The following SUN3 variants were observed in gnomAD, a reference collection of about 807,000 sequenced individuals.
SUN3 encodes SUN domain-containing protein 3.
In SUN3, 36 loss-of-function variants were observed where a neutral mutation model predicts 48.2. That is an observed-to-expected ratio of 0.75 (90% CI 0.57 to 0.99). The LOEUF is 0.99. Ranked by LOEUF, SUN3 falls within the 50% of genes least tolerant of loss-of-function variation. The pLI is 0.00. For synonymous variants in SUN3, 148 were observed against 147.9 expected, an observed-to-expected ratio of 1.00 and a Z score of 0.00; for missense variants, 419 against 433.1, an observed-to-expected ratio of 0.97 and a Z score of 0.29.
At chr7:48,029,132 G>A (rs978795957), upstream of SUN3, 3 of 744,194 alleles carry the variant, frequency 4.0e-6, no homozygotes, top group African/African-American at 5.4e-5. Context: ...ATCATCCTCC[G>A]TGACACCTCA....
At chr7:48,031,113 AAAAAT>A, upstream of SUN3, among the ~76,000 whole-genome samples, 1 of 152,366 alleles carries the variant, frequency 6.6e-6, no homozygotes, top group Non-Finnish European at 1.5e-5. Flanking sequence ...AAGCACATGC[AAAAAT>A]AAATAAGTGG....
chr7:48,025,789 A>G, intron 2 of SUN3, 88 bp downstream of exon 2: 1 of 859,960 alleles, frequency 1.2e-6, no homozygotes, highest in South Asian at 1.8e-5. Flanking sequence ...ATTTATTTAC[A>G]AATATGAGTC....
Position 47,988,825 on chromosome 7 carries a change from TTATA to T in SUN3, c.913_916del (p.Tyr305ThrfsTer23). ...TGTTTGAACGGTGGTTCCTGTTTTG[TTATA>T]TATAAACTGACCTAGGAAAATTTCT... On this transcript the variant is annotated frameshift_variant, in exon 9 of 10. Transcript: ENST00000297325. LOFTEE classifies it high-confidence loss of function. 1 of 1,607,118 alleles carries T rather than the reference TTATA, an allele frequency of 6.2e-7. No homozygotes were observed. The highest frequency in any genetic ancestry group is 8.5e-7 in the Non-Finnish European group (1 of 1,176,182).
At chr7:48,013,872 T>A (rs1354565969) in intron 3 of SUN3, among the ~76,000 whole-genome samples, 2 of 152,356 alleles carry the variant, frequency 1.3e-5, no homozygotes, top group Admixed American at 1.3e-4. Context: ...CTCTTGTCTG[T>A]GTGAAAACCA....
chr7:48,001,531 G>GTTTTTT (rs1166666161), intron 6 of SUN3, among the ~76,000 whole-genome samples: 1 of 110,492 alleles, frequency 9.1e-6, no homozygotes, highest in Admixed American at 9.8e-5. Context: ...TGTTTTTTTT[G>GTTTTTT]TTTTTTTTTT....
intron 2 of SUN3, 72 bp downstream of exon 2, chr7:48,025,805 G>A (rs1236951994): frequency 1.8e-5 from 19 of 1,045,840 alleles, no homozygotes; most frequent in African/African-American, 6.3e-5. Flanking sequence ...GAGTCATTCC[G>A]TTGAGATCTC....
chr7:48,000,721 T>A (rs1272232951), intron 6 of SUN3, among the ~76,000 whole-genome samples: 1 of 134,314 alleles, frequency 7.4e-6, no homozygotes, highest in Non-Finnish European at 1.6e-5. Context: ...GTAAGAAATC[T>A]GTAATAATGT....
upstream of SUN3, chr7:48,029,143 T>C (rs573036234): frequency 1.8e-3 from 1,217 of 664,974 alleles, 16 homozygotes; most frequent in Middle Eastern, 7.0e-3. Flanking sequence ...TGACACCTCA[T>C]AATGCAGATG....
In SUN3 at chr7:48,028,822, C is replaced by A. The variant is rs758044845; in HGVS notation, c.117G>T (p.Ala39=). The A allele has an allele frequency of 6.2e-7, 1 of 1,613,568 alleles. No individual in the cohort carries two copies. The highest frequency in any genetic ancestry group is 8.5e-7 in the Non-Finnish European group (1 of 1,179,730). ...GTTCTGCCATGTTTACCTACCCATT[C>A]GCATCAGGATTTTCGTCCTCTGATA... ...ALLSEDENPD[A]NGVTRSWKII... is the part of the protein sequence containing the mutation. Residue 39 remains alanine (A), a synonymous_variant, in exon 1 of 10, where the codon GCG becomes GCT. Transcript: ENST00000297325.
chr7:48,017,551 A>T (rs1583775223), intron 2 of SUN3, among the ~76,000 whole-genome samples, 186 bp from the exon 3 acceptor site: 2 of 152,358 alleles, frequency 1.3e-5, no homozygotes, highest in African/African-American at 4.8e-5. Context: ...CATGTAAACA[A>T]TATAGCTAGT....
chr7:48,000,078 T>TC (rs1789318620), intron 6 of SUN3: 1 of 152,236 alleles, frequency 6.6e-6, no homozygotes, highest in Non-Finnish European at 1.5e-5. Context: ...ATACATTTTT[T>TC]CCTTTCAACA....
intron 5 of SUN3, 32 bp downstream of exon 5, chr7:48,007,133 C>CCCCCCTAG: frequency 6.3e-7 from 1 of 1,586,004 alleles, no homozygotes. Flanking sequence ...CACCACCCCA[C>CCCCCCTAG]CCTGCCCAAC....
At chr7:48,035,586 C>A in the SUN3 span, 2 of 695,800 alleles carry the variant, frequency 2.9e-6, no homozygotes, top group Non-Finnish European at 2.6e-6. This position sits in a 1 kb window ranked among gnomAD's most constrained non-coding sequence, Gnocchi z 4.0. Flanking sequence ...AAAACTCCAA[C>A]GCCGGGCGCC....
intron 2 of SUN3, among the ~76,000 whole-genome samples, chr7:48,021,928 C>A (rs1043102695): frequency 6.6e-6 from 1 of 151,958 alleles, no homozygotes; most frequent in Admixed American, 6.6e-5. Flanking sequence ...GGGCATATAC[C>A]CAAGATAAAG....
chr7:47,993,815 A>G (rs747752784), intron 8 of SUN3, among the ~76,000 whole-genome samples: 1 of 152,202 alleles, frequency 6.6e-6, no homozygotes, highest in African/African-American at 2.4e-5. Context: ...ATTAATTGTT[A>G]TGGGAATTAC....
chr7:47,999,513 T>C (rs1024482161), intron 6 of SUN3, among the ~76,000 whole-genome samples: 1 of 152,138 alleles, frequency 6.6e-6, no homozygotes, highest in Admixed American at 6.6e-5. Flanking sequence ...TTTTTTTAAA[T>C]ATTAGTTGAA....
intron 9 of SUN3, among the ~76,000 whole-genome samples, chr7:47,988,186 G>C (rs924423908): frequency 1.3e-5 from 2 of 151,938 alleles, no homozygotes; most frequent in African/African-American, 2.4e-5. Context: ...CTCACTATTT[G>C]GCCAAAAAGT....
chr7:47,988,208 CTT>C (rs756706188), intron 9 of SUN3, among the ~76,000 whole-genome samples: 1 of 152,156 alleles, frequency 6.6e-6, no homozygotes, highest in Non-Finnish European at 1.5e-5. Flanking sequence ...TCATAAAACA[CTT>C]GTTTTTACAT....
At chr7:47,988,747 G>T in intron 9 of SUN3, 41 bp downstream of exon 9, 1 of 1,266,410 alleles carries the variant, frequency 7.9e-7, no homozygotes, top group Non-Finnish European at 1.1e-6. Flanking sequence ...ATTTCTCCCA[G>T]TGATAGAGCT....
Sources: allele counts gnomAD v4.1 joint callset (sites outside exome capture counted in the v4.1 genomes callset), GRCh38; gene constraint gnomAD v4.1.1; non-coding constraint Gnocchi (gnomAD v3.1); transcripts MANE v1.5; gene names NCBI Gene and HGNC (gene_info 2026-07-23, HGNC 2026-07-21).